Variants in SPAST observed in about 807,000 individuals in gnomAD.
The protein encoded by SPAST is spastin.
SPAST carries 30 observed loss-of-function variants against 76.6 expected under a neutral mutation model. The observed-to-expected ratio is 0.39, with a 90% CI of 0.29 to 0.53. The LOEUF is 0.53. SPAST is among the 20% of genes least tolerant of loss of function. The pLI is 0.68. For missense variants in SPAST, 717 were observed against 770.5 expected (o/e 0.93, Z 0.82); for synonymous variants, 305 against 281.0 (o/e 1.09, Z -0.86).
At chr2:32,069,603 C>T (rs569860888) in intron 1 of SPAST, among the ~76,000 whole-genome samples, 1 of 148,828 alleles carries the variant, frequency 6.7e-6, no homozygotes, top group Admixed American at 6.8e-5. Context: ...GTCACCCAGG[C>T]TGGAGTGCAG....
chr2:32,153,364 C>G (rs1680150341), intron 16 of SPAST, among the ~76,000 whole-genome samples: 1 of 139,642 alleles, frequency 7.2e-6, no homozygotes, highest in Admixed American at 7.8e-5. Flanking sequence ...CACTCATTGC[C>G]CAAGCTGGAG....
At chr2:32,087,067 C>A (rs1265510922) in intron 1 of SPAST, among the ~76,000 whole-genome samples, 1 of 152,080 alleles carries the variant, frequency 6.6e-6, no homozygotes, top group Non-Finnish European at 1.5e-5. Flanking sequence ...ATAAAAACTT[C>A]CTCTAGAGAG....
At position 32,108,524 on chromosome 2, in the gene SPAST, A is replaced by T. The variant is rs191109455; in HGVS notation, c.683-6114A>T. 2.3e-3 allele frequency among the ~76,000 whole-genome samples: 343 copies of T among 150,924 alleles called. 7 individuals carry two copies. The East Asian group carries it at 0.056, about 25-fold the overall frequency. The stretch of plus-strand genomic sequence containing the variant: ...AATTGTATACTTTATTTATATATTT[A>T]TTTTTTTTTGAGATAGGGTCTGACT... On this transcript the variant is annotated intron_variant, in intron 4 of 16. Coordinates refer to ENST00000315285, the MANE Select transcript of SPAST (RefSeq NM_014946.4).
At chr2:32,137,219 T>C (rs1301072282) in intron 12 of SPAST, 31 bp downstream of exon 12, 1 of 1,444,768 alleles carries the variant, frequency 6.9e-7, no homozygotes, top group Admixed American at 1.7e-5. Flanking sequence ...ATACATGCAT[T>C]TATTACAGAC....
chr2:32,104,145 G>A (rs1406761820), intron 4 of SPAST, among the ~76,000 whole-genome samples: 1 of 152,122 alleles, frequency 6.6e-6, no homozygotes, highest in African/African-American at 2.4e-5. Context: ...CCTGTATTGG[G>A]TGCATATATA....
chr2:32,089,642 G>T, intron 3 of SPAST, 37 bp downstream of exon 3: 1 of 1,025,040 alleles, frequency 9.8e-7, no homozygotes, highest in Admixed American at 1.7e-5. Context: ...GGGATGTATT[G>T]GAAATGTGTG....
rs1282330367 is a variant in SPAST at position 32,156,373 on chromosome 2, G to A, written c.*1877G>A. The A allele has an allele frequency of 6.6e-6, 1 of 152,180 alleles. No homozygotes were observed. The highest frequency in any genetic ancestry group is 1.9e-4 in the East Asian group (1 of 5,206). The allele number at this position is 152,180 out of a possible 1,614,324, so 9.4% of individuals were successfully genotyped here. On this transcript the variant is annotated 3_prime_UTR_variant, in exon 17 of 17. Coordinates refer to ENST00000315285, the MANE Select transcript of SPAST (RefSeq NM_014946.4). ...GATTTCTTAGGATCATATGCTGTTTGTAGCCATAAGGTAAATCATGTCTCT... is the reference window on the plus strand; with the variant it reads ...GATTTCTTAGGATCATATGCTGTTTATAGCCATAAGGTAAATCATGTCTCT...
intron 4 of SPAST, among the ~76,000 whole-genome samples, chr2:32,103,197 G>T (rs1057031962): frequency 6.6e-6 from 1 of 152,160 alleles, no homozygotes; most frequent in Non-Finnish European, 1.5e-5. Context: ...AGCCTTGGGA[G>T]GCTGTATGTG....
At chr2:32,067,117 A>G (rs1216742890) in intron 1 of SPAST, among the ~76,000 whole-genome samples, 1 of 152,040 alleles carries the variant, frequency 6.6e-6, no homozygotes, top group Non-Finnish European at 1.5e-5. Context: ...GCTGGAGTGC[A>G]ATGGTATGAT....
chr2:32,113,850 A>C (rs1309677262), intron 4 of SPAST, among the ~76,000 whole-genome samples: 1 of 151,992 alleles, frequency 6.6e-6, no homozygotes, highest in Non-Finnish European at 1.5e-5. Flanking sequence ...TACAGGTGTG[A>C]GCCATCGCGC....
chr2:32,149,256 A>ATTTTTTTTTTTTTTTTT, intron 16 of SPAST, among the ~76,000 whole-genome samples: 1 of 123,604 alleles, frequency 8.1e-6, no homozygotes, highest in Non-Finnish European at 1.6e-5. Context: ...CGCCCAGCTA[A>ATTTTTTTTTTTTTTTTT]TTTTTTTTTT....
chr2:32,153,650 T>C (rs1300607716), intron 16 of SPAST, among the ~76,000 whole-genome samples: 2 of 151,852 alleles, frequency 1.3e-5, no homozygotes, highest in Non-Finnish European at 2.9e-5. Context: ...GCCTGGACTC[T>C]GTGAACCTAT....
intron 1 of SPAST, 79 bp downstream of exon 1, chr2:32,064,325 T>C: frequency 7.7e-7 from 1 of 1,307,188 alleles, no homozygotes; most frequent in Non-Finnish European, 1.1e-6. Context: ...AACACCTGCG[T>C]CCCTTTTCTG....
rs773348749 is a variant in SPAST, at chr2:32,063,877, G to C, written c.46G>C (p.Ala16Pro). 1 of 1,585,200 alleles carries C rather than the reference G, an allele frequency of 6.3e-7. No homozygotes were observed. Among genetic ancestry groups the C allele is most frequent in the South Asian group, 1.1e-5 (1 of 88,572 alleles). Residue 16 changes from alanine (A) to proline (P), a missense_variant, in exon 1 of 17, where the codon GCC (alanine) becomes CCC (proline). By Grantham distance (27) the Ala-to-Pro change is conservative. Transcript: ENST00000315285. ...AGGGAAGAAGAAAGGCTCCGGCGGC[G>C]CCAGCAACCCGGTGCCTCCCAGGCC... ...GRGKKKGSGG[A>P]SNPVPPRPPP...
At chr2:32,085,535 A>G (rs998015731) in intron 1 of SPAST, among the ~76,000 whole-genome samples, 1 of 152,118 alleles carries the variant, frequency 6.6e-6, no homozygotes, top group East Asian at 1.9e-4. Context: ...ACTTTTCTTT[A>G]CATGTCCTTA....
intron 1 of SPAST, among the ~76,000 whole-genome samples, chr2:32,081,677 A>G (rs1217362753): frequency 1.3e-5 from 2 of 150,556 alleles, no homozygotes; most frequent in African/African-American, 4.9e-5. Flanking sequence ...CCAGCTACTC[A>G]GGAGGCTGAG....
chr2:32,132,730 C>G (rs780079431), intron 9 of SPAST, among the ~76,000 whole-genome samples: 8 of 151,778 alleles, frequency 5.3e-5, no homozygotes, highest in Non-Finnish European at 1.2e-4. Context: ...AGCATTGTGC[C>G]AGGCGCAGTG....
intron 4 of SPAST, among the ~76,000 whole-genome samples, chr2:32,108,288 G>A (rs1171278417): frequency 6.6e-6 from 1 of 152,128 alleles, no homozygotes; most frequent in African/African-American, 2.4e-5. Context: ...ATTAGAGATA[G>A]CAAAAGAAAG....
intron 12 of SPAST, among the ~76,000 whole-genome samples, chr2:32,140,946 T>TTG (rs1558339219): frequency 1.2e-5 from 1 of 84,086 alleles, no homozygotes; most frequent in African/African-American, 4.3e-5. Context: ...TGTTGTTGTT[T>TTG]TTTTTTTTTT....
Sources: gnomAD v4.1 joint callset for allele counts (sites outside exome capture counted in the v4.1 genomes callset) on GRCh38, gnomAD v4.1.1 for gene constraint, MANE v1.5 for transcripts, NCBI Gene and HGNC (gene_info 2026-07-23, HGNC 2026-07-21) for gene names.